The following AFF3 variants were observed in gnomAD, a reference collection of about 807,000 sequenced individuals.
The protein encoded by AFF3 is ALF transcription elongation factor 3.
A neutral mutation model predicts 129.7 loss-of-function variants in AFF3; 32 were observed. That is an observed-to-expected ratio of 0.25 (90% confidence interval 0.19 to 0.33). The LOEUF (loss-of-function observed/expected upper bound fraction) is 0.33, where lower values mean the gene tolerates loss of function less well. Ranked by LOEUF, AFF3 falls within the 10% of genes least tolerant of loss-of-function variation. The pLI, the probability that AFF3 is intolerant of heterozygous loss-of-function variation, is 1.00. For missense variants in AFF3, 1,373 were observed against 1,592.0 expected (o/e 0.86, Z 2.34); for synonymous variants, 644 against 635.4 (o/e 1.01, Z -0.20).
chr2:99,926,215 A>G (rs1696227102), intron 7 of AFF3, among the ~76,000 whole-genome samples: 1 of 152,238 alleles, frequency 6.6e-6, no homozygotes, highest in South Asian at 2.1e-4. Flanking sequence ...GGAAAGCGAG[A>G]GAGCTAGTGA....
At position 99,617,547 on chromosome 2, in the gene AFF3, T is replaced by A. The variant is rs557939909; in HGVS notation, c.1185-15926A>T. Among the ~76,000 whole-genome samples the A allele has an allele frequency of 7.3e-4, 111 of 152,382 alleles. 1 individual carries two copies. The Middle Eastern group carries it at 0.01, about 14-fold the overall frequency. On this transcript the variant is annotated intron_variant, in intron 13 of 24. Coordinates refer to ENST00000672756, the MANE Select transcript of AFF3 (RefSeq NM_001386135.1). ...ATATATTCTGGATACAAGTTGTTTA[T>A]CTGATATACATTGTGCAATGTATAT... is the stretch of plus-strand genomic sequence containing the variant.
intron 7 of AFF3, among the ~76,000 whole-genome samples, chr2:99,963,773 T>C (rs1173768654): frequency 6.6e-6 from 1 of 151,924 alleles, no homozygotes. Context: ...AGCCCAAACA[T>C]ATCAATAATT....
intron 10 of AFF3, among the ~76,000 whole-genome samples, chr2:99,727,529 G>A (rs1277925916): frequency 6.6e-6 from 1 of 151,638 alleles, no homozygotes; most frequent in Non-Finnish European, 1.5e-5. Context: ...GCCAAACCAG[G>A]TCAGGCTGAA....
chr2:100,131,064 A>G (rs1463186328), intron 1 of AFF3, among the ~76,000 whole-genome samples: 1 of 152,182 alleles, frequency 6.6e-6, no homozygotes, highest in Non-Finnish European at 1.5e-5. Context: ...TAAAACAACA[A>G]AAAAGATGCA....
intron 7 of AFF3, among the ~76,000 whole-genome samples, chr2:99,840,363 T>C (rs1190424759): frequency 6.6e-6 from 1 of 152,216 alleles, no homozygotes; most frequent in Non-Finnish European, 1.5e-5. Flanking sequence ...GTGAAGTTTA[T>C]TTTCTTGTGG....
chr2:99,893,978 T>C (rs1409468731), intron 7 of AFF3, among the ~76,000 whole-genome samples: 1 of 152,176 alleles, frequency 6.6e-6, no homozygotes, highest in East Asian at 1.9e-4. Context: ...TAACCGGCCT[T>C]CTCTCATGGA....
chr2:100,138,592 A>G (rs546562166), intron 1 of AFF3, among the ~76,000 whole-genome samples: 1 of 152,320 alleles, frequency 6.6e-6, no homozygotes, highest in South Asian at 2.1e-4. Flanking sequence ...TACCACTTAA[A>G]AAGATTTCTC....
At chr2:99,943,836 T>C (rs1675295358) in intron 7 of AFF3, among the ~76,000 whole-genome samples, 1 of 152,168 alleles carries the variant, frequency 6.6e-6, no homozygotes, top group African/African-American at 2.4e-5. Flanking sequence ...CCCTCTTGTA[T>C]TGCATGTTTC....
rs1209824773 is a variant in AFF3, at chr2:99,743,973, C to T, written c.1039+131G>A. ...TTTGGGCAGCACTTGAACAAATGGCCCCTTTCCCCAGTTTTTTAGTGAATT... is the reference window on the plus strand; with the variant it reads ...TTTGGGCAGCACTTGAACAAATGGCTCCTTTCCCCAGTTTTTTAGTGAATT... On this transcript the variant is annotated intron_variant, in intron 10 of 24. Transcript: ENST00000672756. The T allele has an allele frequency of 8.6e-6, 6 of 695,044 alleles. No individual in the cohort carries two copies. The East Asian group carries it at 1.2e-4, about 14-fold the overall frequency. 43.1% of individuals were successfully genotyped at this position (695,044 alleles called of 1,614,324 possible).
At chr2:99,827,353 G>C (rs1019014432) in intron 8 of AFF3, among the ~76,000 whole-genome samples, 1 of 152,096 alleles carries the variant, frequency 6.6e-6, no homozygotes, top group South Asian at 2.1e-4. Flanking sequence ...CCACAAAGTG[G>C]GTGAACCCAG....
At chr2:99,679,124 T>C (rs546959313) in intron 11 of AFF3, among the ~76,000 whole-genome samples, 3 of 152,322 alleles carry the variant, frequency 2.0e-5, no homozygotes, top group South Asian at 4.1e-4. Context: ...AGGGGTGCTC[T>C]ACTTGACCTA....
intron 16 of AFF3, among the ~76,000 whole-genome samples, chr2:99,583,417 C>G (rs914320938): frequency 1.3e-5 from 2 of 152,188 alleles, no homozygotes; most frequent in Admixed American, 6.5e-5. Context: ...GGATCTGGCT[C>G]TGCTGCCCAG....
At chr2:99,890,043 G>A (rs1257485111) in intron 7 of AFF3, among the ~76,000 whole-genome samples, 2 of 152,152 alleles carry the variant, frequency 1.3e-5, no homozygotes, top group Non-Finnish European at 2.9e-5. Context: ...GTGCACAGGC[G>A]AGTTCTGAAA....
chr2:99,722,262 TC>T (rs1678959553), intron 11 of AFF3, among the ~76,000 whole-genome samples: 1 of 152,228 alleles, frequency 6.6e-6, no homozygotes, highest in Non-Finnish European at 1.5e-5. Context: ...GGCTATTTTT[TC>T]TCTTGATTAT....
chr2:99,847,913 T>C (rs4850916), intron 7 of AFF3, among the ~76,000 whole-genome samples: 134,443 of 152,154 alleles, frequency 0.88, 59,551 homozygotes, highest in African/African-American at 0.96. Context: ...GCCCACACTA[T>C]TATTATAAAA....
In AFF3 at chr2:99,938,114, G is replaced by C. The variant is rs543601911; in HGVS notation, c.873+68518C>G. ...CTCTTTAGATACTTTTCAAGATTAG[G>C]GTGCTTAACCCGGTCCTAACACACA... is the stretch of plus-strand genomic sequence containing the variant. On this transcript the variant is annotated intron_variant, in intron 7 of 24. Coordinates refer to ENST00000672756, the MANE Select transcript of AFF3 (RefSeq NM_001386135.1). 2.6e-5 allele frequency among the ~76,000 whole-genome samples: 4 copies of C among 152,170 alleles called. No homozygotes were observed. In the South Asian group the frequency reaches 8.3e-4, roughly 32 times the overall value.
intron 8 of AFF3, among the ~76,000 whole-genome samples, chr2:99,754,538 A>G (rs1456599937): frequency 1.3e-5 from 2 of 152,270 alleles, no homozygotes; most frequent in African/African-American, 4.8e-5. Context: ...GCTAAAATCC[A>G]AAAAGATAAA....
intron 4 of AFF3, among the ~76,000 whole-genome samples, chr2:100,012,573 A>C (rs960295249): frequency 2.0e-5 from 3 of 152,208 alleles, no homozygotes; most frequent in African/African-American, 7.2e-5. Context: ...GTGAGCCCCC[A>C]TCCCACTAAT....
At chr2:99,909,984 T>C (rs1485686368) in intron 7 of AFF3, among the ~76,000 whole-genome samples, 5 of 152,140 alleles carry the variant, frequency 3.3e-5, no homozygotes, top group Admixed American at 3.3e-4. Flanking sequence ...TATTTGGAGA[T>C]AGGGTCTTTA....
Sources: allele counts gnomAD v4.1 joint callset (sites outside exome capture counted in the v4.1 genomes callset), GRCh38; gene constraint gnomAD v4.1.1; transcripts MANE v1.5; gene names NCBI Gene and HGNC (gene_info 2026-07-23, HGNC 2026-07-21).